Variants in ADGRL2 observed in about 807,000 individuals in gnomAD.
ADGRL2 encodes the protein adhesion G protein-coupled receptor L2.
In ADGRL2, 44 loss-of-function variants were observed where a neutral mutation model predicts 157.4. That is an observed-to-expected ratio of 0.28 (90% confidence interval 0.22 to 0.36). ADGRL2 has a LOEUF of 0.36. Ranked by LOEUF, ADGRL2 falls within the 10% of genes least tolerant of loss-of-function variation. The pLI is 1.00. For synonymous variants in ADGRL2, 585 were observed against 624.7 expected (o/e 0.94, Z 0.95); for missense variants, 1,510 against 1,768.9 (o/e 0.85, Z 2.63).
intron 1 of ADGRL2, among the ~76,000 whole-genome samples, chr1:81,758,258 T>C (rs2085757015): frequency 6.6e-6 from 1 of 152,072 alleles, no homozygotes; most frequent in South Asian, 2.1e-4. Context: ...AAATCTTCCT[T>C]TCATCCAGAG....
intron 2 of ADGRL2, among the ~76,000 whole-genome samples, chr1:81,842,677 A>G (rs147475826): frequency 0.023 from 3,443 of 152,150 alleles, 138 homozygotes; most frequent in African/African-American, 0.079. Context: ...TTTCAAGAGT[A>G]TACTCAGAAA....
intron 3 of ADGRL2, among the ~76,000 whole-genome samples, chr1:81,609,776 T>C (rs2081503815): frequency 6.6e-6 from 1 of 152,202 alleles, no homozygotes; most frequent in Non-Finnish European, 1.5e-5. Flanking sequence ...GATTCATAGA[T>C]CAAGCTTTGT....
At chr1:81,346,780 T>C (rs1662512015) in intron 1 of ADGRL2, among the ~76,000 whole-genome samples, 1 of 152,186 alleles carries the variant, frequency 6.6e-6, no homozygotes, top group Non-Finnish European at 1.5e-5. Context: ...AATAAATTTC[T>C]ATTGTTTGAG....
rs1172737484 is a variant in ADGRL2, at chr1:81,951,051, G to T, written c.1538G>T (p.Gly513Val). Residue 513 changes from glycine (G) to valine (V), a missense_variant, in exon 8 of 24, where the codon GGA becomes GTA. Transcript: ENST00000686636. ...TCATATCTCTGCATGATTTCCACTG[G>T]AACATGGAACCCTAAGGGCCCCGAT... ...TASYLCMISTGTWNPKGPDLS... is the reference protein window; with the variant it reads ...TASYLCMISTVTWNPKGPDLS... 1.2e-6 allele frequency: 2 copies of T among 1,612,878 alleles called. No individual in the cohort carries two copies. The highest frequency in any genetic ancestry group is 1.7e-6 in the Non-Finnish European group (2 of 1,179,182).
intron 3 of ADGRL2, chr1:81,596,526 G>T: frequency 2.7e-6 from 1 of 372,154 alleles, no homozygotes; most frequent in South Asian, 2.4e-5. Flanking sequence ...GCGGCTCCCT[G>T]ACCGACTTGT....
chr1:81,407,398 A>G lies in ADGRL2; in HGVS notation c.-301-37638A>G, dbSNP rs77243319. Among the ~76,000 whole-genome samples the G allele has an allele frequency of 9.6e-3, 1,464 of 152,352 alleles. 20 individuals carry two copies. Among genetic ancestry groups the G allele is most frequent in the African/African-American group, 0.034 (1,399 of 41,578 alleles). ...AAAGATCCTGTTGGAACTCTGAGAC[A>G]GAGACCCAATTCCATCCTGAAAGAG... is the stretch of plus-strand genomic sequence containing the variant. On this transcript the variant is annotated intron_variant, in intron 1 of 24. Transcript: ENST00000370721.
At chr1:81,791,585 G>T (rs1408331256) in intron 2 of ADGRL2, among the ~76,000 whole-genome samples, 1 of 151,144 alleles carries the variant, frequency 6.6e-6, no homozygotes, top group Non-Finnish European at 1.5e-5. Flanking sequence ...TGGGTCAGTG[G>T]AACAGTGGCA....
chr1:81,410,393 C>T (rs2076927393), intron 1 of ADGRL2, among the ~76,000 whole-genome samples: 1 of 152,210 alleles, frequency 6.6e-6, no homozygotes, highest in Non-Finnish European at 1.5e-5. Context: ...CATTCTCACC[C>T]AGGTACCATT....
At chr1:81,502,058 G>T in intron 2 of ADGRL2, 1 of 1,601,854 alleles carries the variant, frequency 6.2e-7, no homozygotes, top group Non-Finnish European at 8.5e-7. Flanking sequence ...AGAGCCTGAG[G>T]AAGAGGACGG....
At chr1:81,667,107 A>T (rs1191834149) in intron 3 of ADGRL2, among the ~76,000 whole-genome samples, 3 of 152,156 alleles carry the variant, frequency 2.0e-5, no homozygotes, top group Non-Finnish European at 4.4e-5. Flanking sequence ...TTTGCCTCTG[A>T]TTACCTGTTG....
At chr1:81,313,426 T>A (rs1659884816) in intron 1 of ADGRL2, among the ~76,000 whole-genome samples, 1 of 152,212 alleles carries the variant, frequency 6.6e-6, no homozygotes, top group African/African-American at 2.4e-5. Context: ...TGATTTAATA[T>A]CCTTAAGGCC....
intron 3 of ADGRL2, among the ~76,000 whole-genome samples, chr1:81,616,917 A>G (rs1033389025): frequency 6.6e-6 from 1 of 152,118 alleles, no homozygotes; most frequent in Non-Finnish European, 1.5e-5. Flanking sequence ...GGCTCAAGCA[A>G]TCTGCCCACC....
At chr1:81,426,722 G>C in intron 1 of ADGRL2, 1 of 471,394 alleles carries the variant, frequency 2.1e-6, no homozygotes, top group Non-Finnish European at 4.1e-6. Context: ...TGAAGAGGTG[G>C]ATGCAACAAC....
intron 1 of ADGRL2, among the ~76,000 whole-genome samples, chr1:81,753,031 A>G (rs557828917): frequency 6.6e-6 from 1 of 152,334 alleles, no homozygotes; most frequent in African/African-American, 2.4e-5. Context: ...TCCAACAAGA[A>G]CAGGCTATGC....
At chr1:81,539,719 A>C (rs77985313) in intron 2 of ADGRL2, among the ~76,000 whole-genome samples, 2,104 of 152,136 alleles carry the variant, frequency 0.014, 67 homozygotes, top group African/African-American at 0.048. Context: ...TTGCTCCGTC[A>C]TTCTCAATTT....
intron 2 of ADGRL2, among the ~76,000 whole-genome samples, chr1:81,549,531 C>T (rs2080094201): frequency 6.6e-6 from 1 of 152,170 alleles, no homozygotes; most frequent in African/African-American, 2.4e-5. Flanking sequence ...TCAAATTGCA[C>T]ACAAGATTGA....
chr1:81,978,251 C>T (rs537338371), intron 17 of ADGRL2, among the ~76,000 whole-genome samples: 58 of 151,604 alleles, frequency 3.8e-4, no homozygotes, highest in African/African-American at 1.4e-3. Context: ...CATCCTTGTA[C>T]GGAACAAGGT....
intron 18 of ADGRL2, among the ~76,000 whole-genome samples, chr1:81,981,492 ATTTCT>A (rs1241308897): frequency 6.6e-6 from 1 of 151,914 alleles, no homozygotes; most frequent in Non-Finnish European, 1.5e-5. Context: ...GCACTCCTTA[ATTTCT>A]TTTATCAAAA....
At chr1:81,495,090 A>T (rs1417667652) in intron 2 of ADGRL2, among the ~76,000 whole-genome samples, 1 of 152,182 alleles carries the variant, frequency 6.6e-6, no homozygotes, top group African/African-American at 2.4e-5. Flanking sequence ...TGAAGAAGGA[A>T]CACAAGCAAG....
Sources: allele counts gnomAD v4.1 joint callset (sites outside exome capture counted in the v4.1 genomes callset), GRCh38; gene constraint gnomAD v4.1.1; transcripts MANE v1.5; gene names NCBI Gene and HGNC (gene_info 2026-07-23, HGNC 2026-07-21).